Variants in FOXP2 observed in about 807,000 individuals in gnomAD.
The protein encoded by FOXP2 is forkhead box protein P2.
FOXP2 carries 12 observed loss-of-function variants against 115.8 expected under a neutral mutation model. The ratio of observed to expected loss-of-function variants is 0.10; its 90% CI spans 0.07 to 0.17. FOXP2 has a LOEUF of 0.17. Ranked by LOEUF, FOXP2 falls within the 10% of genes least tolerant of loss-of-function variation. The pLI is 1.00. For synonymous variants in FOXP2, 328 were observed against 297.7 expected, an observed-to-expected ratio of 1.10 and a Z score of -1.05; for missense variants, 629 against 843.5, an observed-to-expected ratio of 0.75 and a Z score of 3.15.
At chr7:114,390,586 C>T (rs926134855) in intron 2 of FOXP2, among the ~76,000 whole-genome samples, 1 of 151,408 alleles carries the variant, frequency 6.6e-6, no homozygotes, top group African/African-American at 2.4e-5. Context: ...CAGGGTCTTA[C>T]TCTGTCGCCC....
At chr7:114,531,440 T>C (rs1799139104) in intron 2 of FOXP2, among the ~76,000 whole-genome samples, 1 of 151,924 alleles carries the variant, frequency 6.6e-6, no homozygotes, top group Non-Finnish European at 1.5e-5. Flanking sequence ...ATCTAATTGC[T>C]CAGAGACCTG....
chr7:114,352,109 A>C (rs922684989), intron 2 of FOXP2, among the ~76,000 whole-genome samples: 4 of 151,866 alleles, frequency 2.6e-5, no homozygotes, highest in Non-Finnish European at 5.9e-5. Context: ...CTCTAACAAA[A>C]AAAAAAAAAT....
intron 1 of FOXP2, among the ~76,000 whole-genome samples, chr7:114,189,667 A>G (rs1045211021): frequency 6.6e-6 from 1 of 152,186 alleles, no homozygotes; most frequent in African/African-American, 2.4e-5. Context: ...GTTAATATAT[A>G]GTTTATACCT....
chr7:114,580,411 C>T (rs1282702866), intron 3 of FOXP2, among the ~76,000 whole-genome samples: 1 of 152,122 alleles, frequency 6.6e-6, no homozygotes, highest in African/African-American at 2.4e-5. Flanking sequence ...AACCCCATCT[C>T]TACTAAAAAT....
chr7:114,676,951 G>A (rs1251311573), intron 16 of FOXP2, among the ~76,000 whole-genome samples: 1 of 152,122 alleles, frequency 6.6e-6, no homozygotes, highest in Non-Finnish European at 1.5e-5. Context: ...TCATAAATGA[G>A]GTCAGGAGAT....
intron 10 of FOXP2, 74 bp downstream of exon 10, chr7:114,654,083 G>C: frequency 6.2e-7 from 1 of 1,609,294 alleles, no homozygotes. Context: ...ACAATTTAGT[G>C]ACAGTTAGAA....
At chr7:114,426,405 A>G (rs1793849744) in intron 1 of FOXP2, 97 bp from the exon 2 acceptor site, 1 of 1,160,984 alleles carries the variant, frequency 8.6e-7, no homozygotes, top group Admixed American at 1.8e-5. Flanking sequence ...CCCCTCTTCT[A>G]AAGATGCTGT....
intron 2 of FOXP2, among the ~76,000 whole-genome samples, chr7:114,360,593 C>T (rs572626451): frequency 6.6e-6 from 1 of 152,118 alleles, no homozygotes; most frequent in South Asian, 2.1e-4. Context: ...CTAAGGTTCC[C>T]TCTTCTTAAC....
At chr7:114,406,170 T>C (rs1207841298) in intron 2 of FOXP2, among the ~76,000 whole-genome samples, 1 of 151,960 alleles carries the variant, frequency 6.6e-6, no homozygotes, top group Non-Finnish European at 1.5e-5. Flanking sequence ...TGTCAAAGTT[T>C]TAGCAAATTA....
At chr7:114,140,430 T>C (rs1323332367) in intron 1 of FOXP2, among the ~76,000 whole-genome samples, 1 of 152,158 alleles carries the variant, frequency 6.6e-6, no homozygotes, top group East Asian at 1.9e-4. Flanking sequence ...GTGCACGGTT[T>C]CTTAATTTCC....
intron 2 of FOXP2, chr7:114,297,502 A>G (rs980652678): frequency 3.4e-6 from 1 of 291,870 alleles, no homozygotes; most frequent in Non-Finnish European, 6.6e-6. Context: ...CCAATAGTCC[A>G]TCAATTCGCA....
At chr7:114,360,641 A>C (rs1791724254) in intron 2 of FOXP2, among the ~76,000 whole-genome samples, 1 of 152,174 alleles carries the variant, frequency 6.6e-6, no homozygotes, top group Non-Finnish European at 1.5e-5. Flanking sequence ...TGAACAAAAA[A>C]ATTCCTAAGC....
At chr7:114,675,340 T>C (rs559096829) in intron 16 of FOXP2, among the ~76,000 whole-genome samples, 2 of 152,308 alleles carry the variant, frequency 1.3e-5, no homozygotes, top group African/African-American at 4.8e-5. Context: ...TTTTTTTGTA[T>C]GTTCTGTTTG....
intron 3 of FOXP2, among the ~76,000 whole-genome samples, chr7:114,605,883 C>A (rs1226208070): frequency 1.3e-5 from 2 of 151,966 alleles, no homozygotes; most frequent in African/African-American, 4.8e-5. Flanking sequence ...AGGGTAGTGG[C>A]CTAAAGAGAT....
intron 2 of FOXP2, among the ~76,000 whole-genome samples, chr7:114,295,040 G>A (rs1796709088): frequency 6.6e-6 from 1 of 151,756 alleles, no homozygotes; most frequent in African/African-American, 2.4e-5. Flanking sequence ...ACGATAACTT[G>A]TTCATATTTT....
intron 16 of FOXP2, among the ~76,000 whole-genome samples, chr7:114,682,946 C>T (rs964168142): frequency 2.6e-5 from 4 of 152,282 alleles, no homozygotes; most frequent in Non-Finnish European, 4.4e-5. Flanking sequence ...TGAAACTTCT[C>T]TTGCTACTTT....
chr7:114,219,817 G>C (rs1394795823), intron 1 of FOXP2, among the ~76,000 whole-genome samples: 1 of 151,682 alleles, frequency 6.6e-6, no homozygotes, highest in Non-Finnish European at 1.5e-5. Flanking sequence ...GCTAGCACGA[G>C]GTTTCTGTTT....
chr7:114,365,782 T>C (rs570901524), intron 2 of FOXP2, among the ~76,000 whole-genome samples: 3 of 152,248 alleles, frequency 2.0e-5, no homozygotes, highest in South Asian at 4.1e-4. Flanking sequence ...AATTTCCCTA[T>C]AGAAAGTGCT....
At chr7:114,304,187 A>C (rs932144937) in intron 2 of FOXP2, among the ~76,000 whole-genome samples, 5 of 152,098 alleles carry the variant, frequency 3.3e-5, no homozygotes, top group African/African-American at 1.2e-4. Context: ...TAAACACTCT[A>C]GCTTCTAAAG....
Sources: allele counts gnomAD v4.1 joint callset (sites outside exome capture counted in the v4.1 genomes callset), GRCh38; gene constraint gnomAD v4.1.1; transcripts MANE v1.5; gene names NCBI Gene and HGNC (gene_info 2026-07-23, HGNC 2026-07-21).